SHB: variants seen among roughly 807,000 people sequenced by gnomAD.
SHB encodes the protein SH2 domain-containing adapter protein B.
SHB carries 20 observed loss-of-function variants against 52.3 expected under a neutral mutation model. The ratio of observed to expected loss-of-function variants is 0.38; its 90% CI spans 0.27 to 0.56. The LOEUF is 0.56. Ranked by LOEUF, SHB falls within the 20% of genes least tolerant of loss-of-function variation. The pLI is 0.71. For synonymous variants in SHB, 397 were observed against 316.5 expected, an observed-to-expected ratio of 1.25 and a Z score of -2.70; for missense variants, 825 against 723.3, an observed-to-expected ratio of 1.14 and a Z score of -1.61.
intron 1 of SHB, among the ~76,000 whole-genome samples, chr9:38,019,361 G>A (rs1350031640): frequency 6.6e-6 from 1 of 152,350 alleles, no homozygotes; most frequent in Non-Finnish European, 1.5e-5. Flanking sequence ...ACTGCAGGGC[G>A]TTGTCAGTCA....
intron 5 of SHB, among the ~76,000 whole-genome samples, chr9:37,944,263 TG>T (rs550821024): frequency 6.6e-6 from 1 of 152,048 alleles, no homozygotes; most frequent in African/African-American, 2.4e-5. Context: ...TGCAGAAAGT[TG>T]GGGGGTGGGA....
At chr9:38,056,631 T>C (rs1391002464) in intron 1 of SHB, among the ~76,000 whole-genome samples, 1 of 152,226 alleles carries the variant, frequency 6.6e-6, no homozygotes, top group East Asian at 1.9e-4. Flanking sequence ...CGCGCCCACA[T>C]GGGAAGACTT....
At chr9:37,993,791 G>A (rs1470652929) in intron 2 of SHB, among the ~76,000 whole-genome samples, 1 of 152,222 alleles carries the variant, frequency 6.6e-6, no homozygotes, top group Admixed American at 6.5e-5. Flanking sequence ...CACTTGGCAG[G>A]GAGGAGTTAC....
intron 1 of SHB, among the ~76,000 whole-genome samples, chr9:38,050,301 C>T (rs776328132): frequency 2.0e-5 from 3 of 152,142 alleles, no homozygotes; most frequent in Admixed American, 6.5e-5. Context: ...AAGAACTAAG[C>T]GGCAGAAAAT....
chr9:38,048,420 T>G (rs535939578), intron 1 of SHB, among the ~76,000 whole-genome samples: 28 of 152,252 alleles, frequency 1.8e-4, no homozygotes, highest in African/African-American at 5.8e-4. Context: ...GGTGGGAGGA[T>G]CACTTGAGTT....
At chr9:38,027,634 G>C (rs1446203297) in intron 1 of SHB, among the ~76,000 whole-genome samples, 5 of 150,584 alleles carry the variant, frequency 3.3e-5, no homozygotes, top group Admixed American at 6.7e-5. Context: ...CAACTAGATG[G>C]AGCATGATCT....
chr9:38,066,500 C>T (rs887576553), intron 1 of SHB, among the ~76,000 whole-genome samples: 13 of 152,148 alleles, frequency 8.5e-5, no homozygotes, highest in South Asian at 6.2e-4. Flanking sequence ...GGGAAATCTG[C>T]CCCCTCTCCC....
intron 2 of SHB, among the ~76,000 whole-genome samples, chr9:37,985,130 G>A (rs560899185): frequency 3.2e-4 from 49 of 152,354 alleles, no homozygotes; most frequent in African/African-American, 1.1e-3. Context: ...CGGAAGCAGG[G>A]CTGTGGGACA....
At chr9:38,065,372 A>T (rs971006056) in intron 1 of SHB, among the ~76,000 whole-genome samples, 4 of 152,176 alleles carry the variant, frequency 2.6e-5, no homozygotes, top group African/African-American at 9.7e-5. Context: ...GAAGACCCAG[A>T]GGGACAGTTA....
At chr9:37,953,183 G>A (rs930414173) in intron 4 of SHB, among the ~76,000 whole-genome samples, 13 of 152,186 alleles carry the variant, frequency 8.5e-5, no homozygotes, top group Middle Eastern at 3.4e-3. Flanking sequence ...TCTGGGGACC[G>A]GGGCAGAAAA....
At chr9:37,963,765 C>T (rs750806069) in intron 3 of SHB, among the ~76,000 whole-genome samples, 1 of 152,050 alleles carries the variant, frequency 6.6e-6, no homozygotes, top group Non-Finnish European at 1.5e-5. Flanking sequence ...CTACATGACC[C>T]CCGGAGTCTA....
chr9:38,052,357 G>C (rs1041936290), intron 1 of SHB, among the ~76,000 whole-genome samples: 2 of 152,170 alleles, frequency 1.3e-5, no homozygotes, highest in African/African-American at 2.4e-5. Context: ...AGCCATTCCC[G>C]GCTCAGACTC....
chr9:38,050,453 A>T lies in SHB; in HGVS notation c.717+17476T>A, dbSNP rs574322870. ...GAAATTCAAATATATGGATATTTTA[A>T]GGCAGCCAGGCCTCCTTCTGCAAGG... On this transcript the variant is annotated intron_variant, in intron 1 of 5. Transcript: ENST00000377707. Among the ~76,000 whole-genome samples, 31 of 152,322 alleles carry T rather than the reference A, an allele frequency of 2.0e-4. 1 individual carries two copies. In the South Asian group the frequency reaches 5.8e-3, roughly 28 times the overall value.
chr9:37,974,756 C>T lies in SHB; in HGVS notation c.920G>A (p.Ser307Asn), dbSNP rs755545767. ...YDTPYEPEGQ[S>N]VDSDSESTVS... ...TGTGCTCTCCGAGTCTGAGTCAACACTTTGGCCTTCAGGTTCGTAAGGGGT... is the reference window on the plus strand; with the variant it reads ...TGTGCTCTCCGAGTCTGAGTCAACATTTTGGCCTTCAGGTTCGTAAGGGGT... The change falls in exon 3 of 6, where the codon AGT (serine) becomes AAT (asparagine). Residue 307 changes from serine (S) to asparagine (N), a missense_variant. Transcript: ENST00000377707. The T allele has an allele frequency of 9.3e-6, 15 of 1,614,192 alleles. No homozygotes were observed. Among genetic ancestry groups the T allele is most frequent in the Non-Finnish European group, 1.3e-5 (15 of 1,180,018 alleles).
intron 5 of SHB, among the ~76,000 whole-genome samples, chr9:37,934,580 C>A (rs1206409938): frequency 6.6e-6 from 1 of 152,114 alleles, no homozygotes; most frequent in Non-Finnish European, 1.5e-5. Context: ...GGATTACAGG[C>A]GTGAGCCACT....
At chr9:38,019,239 T>C (rs1821253306) in intron 1 of SHB, among the ~76,000 whole-genome samples, 1 of 152,224 alleles carries the variant, frequency 6.6e-6, no homozygotes, top group Non-Finnish European at 1.5e-5. Flanking sequence ...GCACCTTTCT[T>C]GCTTTCAGAC....
At chr9:37,977,110 T>C (rs916943222) in intron 2 of SHB, among the ~76,000 whole-genome samples, 2 of 152,240 alleles carry the variant, frequency 1.3e-5, no homozygotes, top group East Asian at 1.9e-4. Context: ...TGGTTACTTA[T>C]CATTTTTATT....
At chr9:38,002,392 T>A (rs1293505857) in intron 2 of SHB, among the ~76,000 whole-genome samples, 1 of 152,120 alleles carries the variant, frequency 6.6e-6, no homozygotes, top group Non-Finnish European at 1.5e-5. Context: ...AAGCCATCAC[T>A]CCCTGCAGAG....
chr9:37,973,079 T>G (rs1404118576), intron 3 of SHB, among the ~76,000 whole-genome samples: 1 of 152,236 alleles, frequency 6.6e-6, no homozygotes, highest in Admixed American at 6.5e-5. Flanking sequence ...TTCTCTAGGT[T>G]ATTATGAACT....
Sources: allele counts gnomAD v4.1 joint callset (sites outside exome capture counted in the v4.1 genomes callset), GRCh38; gene constraint gnomAD v4.1.1; transcripts MANE v1.5; gene names NCBI Gene and HGNC (gene_info 2026-07-23, HGNC 2026-07-21).